PTPRD: variants seen among roughly 807,000 people sequenced by gnomAD.
PTPRD encodes receptor-type tyrosine-protein phosphatase delta.
In PTPRD, 34 loss-of-function variants were observed where a neutral mutation model predicts 214.5. That is an observed-to-expected ratio of 0.16 (90% CI 0.12 to 0.21). The LOEUF (loss-of-function observed/expected upper bound fraction) is 0.21. Among genes scored for constraint, PTPRD ranks in the 10% least tolerant of loss-of-function variants. The probability of loss-of-function intolerance (pLI) is 1.00; values close to 1 mark genes in which losing one functional copy is unlikely to be tolerated. For synonymous variants in PTPRD, 1,128 were observed against 845.7 expected, an observed-to-expected ratio of 1.33 and a Z score of -5.79; for missense variants, 2,545 against 2,398.7, an observed-to-expected ratio of 1.06 and a Z score of -1.27.
chr9:9,898,810 T>G (rs957262931), intron 5 of PTPRD, among the ~76,000 whole-genome samples: 1 of 152,062 alleles, frequency 6.6e-6, no homozygotes, highest in Non-Finnish European at 1.5e-5. Context: ...CATCTCTTAG[T>G]GAATTTTTAA....
chr9:9,954,510 A>ATAATCAGACATC (rs1402494427), intron 4 of PTPRD, among the ~76,000 whole-genome samples: 1 of 151,958 alleles, frequency 6.6e-6, no homozygotes, highest in Non-Finnish European at 1.5e-5. Flanking sequence ...TATAAAATAC[A>ATAATCAGACATC]TAATCAGACA....
At chr9:9,852,648 A>T (rs2060759396) in intron 5 of PTPRD, among the ~76,000 whole-genome samples, 1 of 152,148 alleles carries the variant, frequency 6.6e-6, no homozygotes, top group Non-Finnish European at 1.5e-5. Flanking sequence ...TTTATAAATA[A>T]GATAAAGATT....
intron 16 of PTPRD, among the ~76,000 whole-genome samples, chr9:8,526,897 C>A (rs573616416): frequency 4.2e-4 from 64 of 152,020 alleles, no homozygotes; most frequent in African/African-American, 1.3e-3. Flanking sequence ...AGAGAAGCAA[C>A]TGAGTTTTCA....
chr9:8,828,825 A>G (rs2097224613), intron 11 of PTPRD, among the ~76,000 whole-genome samples: 1 of 152,160 alleles, frequency 6.6e-6, no homozygotes, highest in Admixed American at 6.6e-5. Flanking sequence ...AAATTTGTGA[A>G]ATTCTCCTCT....
rs879316491 is a variant in PTPRD, at chr9:10,141,657, G to A, written c.-544-107867C>T. 1.5e-3 allele frequency among the ~76,000 whole-genome samples: 233 copies of A among 151,986 alleles called. 2 individuals carry two copies. The highest frequency in any genetic ancestry group is 4.9e-3 in the African/African-American group (203 of 41,374). On this transcript the variant is annotated intron_variant, in intron 3 of 45. Coordinates refer to ENST00000381196, the MANE Select transcript of PTPRD (RefSeq NM_002839.4). ...CTCATGGGTAGGAACAATCAATATC[G>A]TGAAAATGGCCATACTGCCCAAGGT...
chr9:10,194,345 TAGAGAGAGAGAGAGAGAGAGAGAG>T (rs1182799154), intron 3 of PTPRD, among the ~76,000 whole-genome samples: 2,207 of 39,636 alleles, frequency 0.056, 47 homozygotes, highest in African/African-American at 0.062. Flanking sequence ...TATATATATA[TAGAGAGAGAGAGAGAGAGAGAGAG>T]AGAGAGAGAG....
intron 7 of PTPRD, among the ~76,000 whole-genome samples, chr9:9,655,703 T>C (rs1157015441): frequency 6.6e-6 from 1 of 151,122 alleles, no homozygotes; most frequent in East Asian, 2.0e-4. Context: ...AAGAGCTGGG[T>C]GCGGTGGCTC....
rs140363167 is a variant in PTPRD at position 9,483,104 on chromosome 9, A to C, written c.-236-85622T>G. On this transcript the variant is annotated intron_variant, in intron 8 of 45. Transcript: ENST00000381196. Reference sequence around the variant, plus strand: ...CTTTCTAATATATTGATATCTAAGAATAAGATCTATCCTTTAAAAGCATTG... The same window carrying C: ...CTTTCTAATATATTGATATCTAAGACTAAGATCTATCCTTTAAAAGCATTG... 6.4e-3 allele frequency among the ~76,000 whole-genome samples: 968 copies of C among 152,322 alleles called. 5 individuals are homozygous for C. The highest frequency in any genetic ancestry group is 0.023 in the African/African-American group (937 of 41,566).
chr9:8,557,757 A>C (rs1171361026), intron 14 of PTPRD, among the ~76,000 whole-genome samples: 2 of 134,100 alleles, frequency 1.5e-5, no homozygotes, highest in African/African-American at 6.9e-5. Flanking sequence ...AAAAAAAAAA[A>C]AAAAAAAAAA....
intron 11 of PTPRD, among the ~76,000 whole-genome samples, chr9:8,812,459 A>T (rs554072032): frequency 6.6e-6 from 1 of 152,346 alleles, no homozygotes; most frequent in East Asian, 1.9e-4. Context: ...ATATCCATCA[A>T]TTCCCACTTA....
At chr9:10,344,960 A>C (rs1052834787) in intron 2 of PTPRD, among the ~76,000 whole-genome samples, 1 of 152,150 alleles carries the variant, frequency 6.6e-6, no homozygotes, top group Non-Finnish European at 1.5e-5. Context: ...TATAAATCTA[A>C]AATCATATAA....
At chr9:8,558,026 A>T (rs1187774637) in intron 14 of PTPRD, among the ~76,000 whole-genome samples, 4 of 152,132 alleles carry the variant, frequency 2.6e-5, no homozygotes, top group African/African-American at 7.2e-5. Flanking sequence ...TAACTAATTA[A>T]TCTATTATTT....
chr9:9,940,864 A>G (rs62536917), intron 4 of PTPRD, among the ~76,000 whole-genome samples: 5,865 of 152,198 alleles, frequency 0.039, 137 homozygotes, highest in Non-Finnish European at 0.056. Flanking sequence ...ACAATCTATG[A>G]GATATGATCT....
chr9:10,047,488 C>T (rs1295613490), intron 3 of PTPRD, among the ~76,000 whole-genome samples: 1 of 151,964 alleles, frequency 6.6e-6, no homozygotes, highest in African/African-American at 2.4e-5. Flanking sequence ...GCAAATCAGG[C>T]TCTACAAAAT....
intron 3 of PTPRD, among the ~76,000 whole-genome samples, chr9:10,064,149 C>G (rs1000187683): frequency 3.3e-5 from 5 of 150,970 alleles, no homozygotes; most frequent in Non-Finnish European, 7.4e-5. Context: ...TCTGTCTTAT[C>G]TTTACCAGAA....
chr9:10,125,363 C>CT (rs1010208229), intron 3 of PTPRD, among the ~76,000 whole-genome samples: 3 of 146,794 alleles, frequency 2.0e-5, no homozygotes, highest in Non-Finnish European at 4.6e-5. Flanking sequence ...TCAATCATTT[C>CT]TTTTTTCTTT....
intron 11 of PTPRD, among the ~76,000 whole-genome samples, chr9:8,843,237 C>T (rs2097599949): frequency 6.6e-6 from 1 of 152,164 alleles, no homozygotes; most frequent in East Asian, 1.9e-4. Flanking sequence ...TACTTCACAT[C>T]GGGCTGGTAC....
At chr9:8,669,221 G>A (rs1048188237) in intron 12 of PTPRD, among the ~76,000 whole-genome samples, 4 of 152,064 alleles carry the variant, frequency 2.6e-5, no homozygotes, top group Non-Finnish European at 5.9e-5. Flanking sequence ...AGAGGGTAGC[G>A]GGGTGAATTT....
chr9:8,617,293 T>A (rs978361630), intron 14 of PTPRD, among the ~76,000 whole-genome samples: 3 of 152,052 alleles, frequency 2.0e-5, no homozygotes, highest in Admixed American at 6.6e-5. Flanking sequence ...TCAGTGTCTC[T>A]GATGAGGGTT....
Sources: gnomAD v4.1 joint callset for allele counts (sites outside exome capture counted in the v4.1 genomes callset) on GRCh38, gnomAD v4.1.1 for gene constraint, MANE v1.5 for transcripts, NCBI Gene and HGNC (gene_info 2026-07-23, HGNC 2026-07-21) for gene names.